FTO: variants seen among roughly 807,000 people sequenced by gnomAD.
FTO encodes the protein FTO alpha-ketoglutarate dependent dioxygenase, also known as alpha-ketoglutarate-dependent dioxygenase FTO.
Under a neutral mutation model 63.9 loss-of-function variants are expected in FTO, and 47 were observed. That is an observed-to-expected ratio of 0.74 (90% CI 0.58 to 0.94). The LOEUF (loss-of-function observed/expected upper bound fraction) is 0.94. Ranked by LOEUF, FTO falls within the 40% of genes least tolerant of loss-of-function variation. The probability of loss-of-function intolerance (pLI) is 0.00; values close to 1 mark genes in which losing one functional copy is unlikely to be tolerated. For missense variants in FTO, 562 were observed against 618.1 expected, an observed-to-expected ratio of 0.91 and a Z score of 0.96; for synonymous variants, 207 against 224.4, an observed-to-expected ratio of 0.92 and a Z score of 0.69.
intron 1 of FTO, among the ~76,000 whole-genome samples, chr16:53,807,285 A>G (rs2078398587): frequency 6.6e-6 from 1 of 152,204 alleles, no homozygotes. Context: ...TTAAAATGAA[A>G]ATTCCTAGTG....
In FTO at chr16:54,115,001, G is replaced by A. The variant is rs1334658027; in HGVS notation, c.*3086G>A. 1 of 152,266 alleles carries A rather than the reference G, an allele frequency of 6.6e-6. No individual in the cohort carries two copies. 9.4% of individuals were successfully genotyped at this position (152,266 alleles called of 1,614,324 possible). A position where few individuals can be genotyped will look rare whatever the true frequency, so the allele number is the denominator to read the frequency against. On this transcript the variant is annotated 3_prime_UTR_variant, in exon 9 of 9. Transcript: ENST00000471389. ...GAGGTGGGCAAGACCCAATAAAAAA[G>A]CAGCTGGTGCGGGCAATGACAATGA...
At chr16:53,727,462 G>T (rs1311526054) in intron 1 of FTO, among the ~76,000 whole-genome samples, 6 of 152,154 alleles carry the variant, frequency 3.9e-5, no homozygotes, top group African/African-American at 1.4e-4. Flanking sequence ...CACATGGTAG[G>T]GTTCAAACTG....
chr16:54,094,126 C>G (rs1366659143), intron 8 of FTO, among the ~76,000 whole-genome samples: 4 of 152,182 alleles, frequency 2.6e-5, no homozygotes, highest in Admixed American at 2.6e-4. Flanking sequence ...GCCCGTTGAC[C>G]AGAGACTACA....
chr16:54,101,226 C>T (rs78149933), intron 8 of FTO, among the ~76,000 whole-genome samples: 8,572 of 151,888 alleles, frequency 0.056, 324 homozygotes, highest in East Asian at 0.2. Flanking sequence ...TATTTCATCA[C>T]CCGGTTATTA....
At chr16:53,890,974 A>C (rs1398767183) in intron 7 of FTO, among the ~76,000 whole-genome samples, 1 of 152,114 alleles carries the variant, frequency 6.6e-6, no homozygotes, top group East Asian at 1.9e-4. Flanking sequence ...AAGAGCAAAT[A>C]AGAAAGGAGC....
chr16:54,010,554 C>T (rs1473816625), intron 8 of FTO, among the ~76,000 whole-genome samples: 1 of 140,406 alleles, frequency 7.1e-6, no homozygotes, highest in African/African-American at 2.8e-5. Context: ...ACCATTCTAG[C>T]CTTTAAAATC....
rs2086948119 is a variant in FTO at position 54,114,134 on chromosome 16, C to G, written c.*2219C>G. On this transcript the variant is annotated 3_prime_UTR_variant, in exon 9 of 9. Coordinates refer to ENST00000471389, the MANE Select transcript of FTO (RefSeq NM_001080432.3). ...CTGCATTTTTCTTTAGAACTCAGAA[C>G]ACCCAATAGTCCTAGGCCCCCATCC... 1.3e-5 allele frequency: 2 copies of G among 152,220 alleles called. No individual in the cohort carries two copies. The highest frequency in any genetic ancestry group is 2.9e-5 in the Non-Finnish European group (2 of 68,068). The allele number at this position is 152,220 out of a possible 1,614,324, so 9.4% of individuals were successfully genotyped here.
intron 1 of FTO, among the ~76,000 whole-genome samples, chr16:53,752,523 A>G (rs2076822803): frequency 6.6e-6 from 1 of 152,216 alleles, no homozygotes; most frequent in African/African-American, 2.4e-5. Context: ...TCTTAATTCA[A>G]AAGGGTAGTG....
intron 4 of FTO, among the ~76,000 whole-genome samples, chr16:53,866,211 A>G (rs556501560): frequency 6.6e-6 from 1 of 152,004 alleles, no homozygotes; most frequent in East Asian, 1.9e-4. Context: ...TGATTTTTGT[A>G]TGTTGAATCA....
chr16:54,040,874 C>A (rs2085059799), intron 8 of FTO: 2 of 152,076 alleles, frequency 1.3e-5, no homozygotes, highest in Admixed American at 6.5e-5. Flanking sequence ...AAGCCATCAA[C>A]AAAGGAAAAA....
chr16:54,035,496 G>A (rs2144241221), intron 8 of FTO, among the ~76,000 whole-genome samples: 1 of 152,308 alleles, frequency 6.6e-6, no homozygotes, highest in African/African-American at 2.4e-5. Flanking sequence ...GTATTTTGAG[G>A]GGAGGAGAAG....
At position 54,120,341 on chromosome 16, in the gene FTO, C is replaced by G. The variant is rs1302777404; in HGVS notation, c.*8426C>G. The G allele has an allele frequency of 6.6e-6, 1 of 152,248 alleles. No individual in the cohort carries two copies. Among genetic ancestry groups the G allele is most frequent in the Non-Finnish European group, 1.5e-5 (1 of 68,054 alleles). 9.4% of individuals were successfully genotyped at this position (152,248 alleles called of 1,614,324 possible). On this transcript the variant is annotated 3_prime_UTR_variant, in exon 9 of 9. Coordinates refer to ENST00000471389, the MANE Select transcript of FTO (RefSeq NM_001080432.3). ...CTCTTCATAGTATTGACTCTTCAGT[C>G]TTAGCCAACACACACTTGTTGATTC...
intron 8 of FTO, among the ~76,000 whole-genome samples, chr16:54,048,752 T>C (rs2085244338): frequency 6.6e-6 from 1 of 152,232 alleles, no homozygotes; most frequent in African/African-American, 2.4e-5. Flanking sequence ...GCCTGATAAG[T>C]ATTCCATGCA....
intron 8 of FTO, among the ~76,000 whole-genome samples, chr16:54,034,442 C>A (rs1277413368): frequency 6.6e-6 from 1 of 152,150 alleles, no homozygotes; most frequent in African/African-American, 2.4e-5. Context: ...AGCCTGTTGG[C>A]ATGAGTACAT....
chr16:53,839,795 AT>A (rs2079414123), intron 3 of FTO, among the ~76,000 whole-genome samples: 1 of 100,960 alleles, frequency 9.9e-6, no homozygotes, highest in Non-Finnish European at 1.9e-5. Flanking sequence ...TTATTTATTT[AT>A]TTATTTATTT....
At chr16:54,016,328 T>G (rs1247981598) in intron 8 of FTO, among the ~76,000 whole-genome samples, 1 of 151,614 alleles carries the variant, frequency 6.6e-6, no homozygotes, top group African/African-American at 2.4e-5. Context: ...GGAAGACTTG[T>G]CCTCTTGGAC....
intron 7 of FTO, among the ~76,000 whole-genome samples, chr16:53,912,411 G>A (rs2081734839): frequency 6.6e-6 from 1 of 152,184 alleles, no homozygotes; most frequent in African/African-American, 2.4e-5. Context: ...AGTGAAAAAG[G>A]AGTGTCTTCC....
intron 1 of FTO, among the ~76,000 whole-genome samples, chr16:53,806,348 A>G (rs1340562887): frequency 6.6e-6 from 1 of 152,240 alleles, no homozygotes; most frequent in Admixed American, 6.5e-5. Context: ...AAAACAATAT[A>G]AAATGGAATA....
At chr16:53,706,544 C>CT (rs2075625736) in intron 1 of FTO, among the ~76,000 whole-genome samples, 1 of 151,946 alleles carries the variant, frequency 6.6e-6, no homozygotes, top group Non-Finnish European at 1.5e-5. Flanking sequence ...ACTTTTGGGT[C>CT]TTTTTTTCAT....
Sources: allele counts gnomAD v4.1 joint callset (sites outside exome capture counted in the v4.1 genomes callset), GRCh38; gene constraint gnomAD v4.1.1; transcripts MANE v1.5; gene names NCBI Gene and HGNC (gene_info 2026-07-23, HGNC 2026-07-21).